KLHL29: variants seen among roughly 807,000 people sequenced by gnomAD.
KLHL29 encodes kelch-like protein 29.
In KLHL29, 21 loss-of-function variants were observed where a neutral mutation model predicts 80.4. That is an observed-to-expected ratio of 0.26 (90% CI 0.19 to 0.38). The LOEUF (loss-of-function observed/expected upper bound fraction) is 0.38, where lower values mean the gene tolerates loss of function less well. Among genes scored for constraint, KLHL29 ranks in the 10% least tolerant of loss-of-function variants. The pLI is 1.00. For synonymous variants in KLHL29, 511 were observed against 526.8 expected (o/e 0.97, Z 0.41); for missense variants, 867 against 1,223.9 (o/e 0.71, Z 4.35).
chr2:23,525,038 A>G (rs560373834), intron 2 of KLHL29, among the ~76,000 whole-genome samples: 1 of 152,340 alleles, frequency 6.6e-6, no homozygotes, highest in Non-Finnish European at 1.5e-5. Context: ...CTTTTAATGA[A>G]TGAGATTTGT....
chr2:23,425,796 G>T (rs1171748100), intron 1 of KLHL29, among the ~76,000 whole-genome samples: 1 of 152,218 alleles, frequency 6.6e-6, no homozygotes, highest in African/African-American at 2.4e-5. Context: ...GCAGCCAGGT[G>T]GAATTTTGTT....
chr2:23,395,472 C>G (rs2103385078), intron 1 of KLHL29, among the ~76,000 whole-genome samples: 1 of 152,280 alleles, frequency 6.6e-6, no homozygotes, highest in South Asian at 2.1e-4. Context: ...GCAGGCCAGG[C>G]ATGGTGGCTC....
chr2:23,703,348 C>T lies in KLHL29; in HGVS notation c.2268C>T (p.Asn756=). Residue 756 remains asparagine, a synonymous_variant, in exon 12 of 14, where the codon AAC becomes AAT. Transcript: ENST00000486442. The part of the protein sequence containing the change: ...GVLQSYVPQT[N]TWSFIESPMI... ...TCCAGTCTTACGTTCCTCAGACCAA[C>T]ACGTGGAGCTTCATCGAGTCCCCAA... 6.5e-7 allele frequency: 1 copy of T among 1,528,498 alleles called. No individual in the cohort carries two copies. Among genetic ancestry groups the T allele is most frequent in the South Asian group, 1.2e-5 (1 of 80,224 alleles). 94.7% of individuals were successfully genotyped at this position (1,528,498 alleles called of 1,614,324 possible). A position where few individuals can be genotyped will look rare whatever the true frequency, so the allele number is the denominator to read the frequency against.
At chr2:23,639,344 C>T (rs1002765882) in intron 4 of KLHL29, 64 bp downstream of exon 4, 1 of 1,490,030 alleles carries the variant, frequency 6.7e-7, no homozygotes, top group South Asian at 1.3e-5. Flanking sequence ...CTAGAGGCTT[C>T]CTGGGGACCC....
intron 1 of KLHL29, among the ~76,000 whole-genome samples, chr2:23,461,226 G>A (rs1468687630): frequency 6.6e-6 from 1 of 152,194 alleles, no homozygotes; most frequent in Non-Finnish European, 1.5e-5. Flanking sequence ...TGAGGCAGAG[G>A]GGTCGGGTAG....
intron 12 of KLHL29, 97 bp from the exon 13 acceptor site, chr2:23,703,622 T>C: frequency 7.2e-7 from 1 of 1,392,488 alleles, no homozygotes; most frequent in Non-Finnish European, 9.5e-7. Flanking sequence ...GTTGGAAGTC[T>C]TTCGAGCTTC....
chr2:23,599,387 A>G (rs1668510902), intron 3 of KLHL29, among the ~76,000 whole-genome samples: 1 of 152,180 alleles, frequency 6.6e-6, no homozygotes, highest in Non-Finnish European at 1.5e-5. Context: ...AAGAAGAAAA[A>G]TTATAGAAGG....
intron 3 of KLHL29, among the ~76,000 whole-genome samples, chr2:23,604,375 G>A (rs149313391): frequency 0.029 from 4,430 of 152,278 alleles, 218 homozygotes; most frequent in African/African-American, 0.1. Context: ...GATTACAGGC[G>A]TGAGCCACTG....
intron 3 of KLHL29, among the ~76,000 whole-genome samples, chr2:23,574,723 G>A (rs1301283181): frequency 6.6e-6 from 1 of 152,166 alleles, no homozygotes; most frequent in African/African-American, 2.4e-5. Flanking sequence ...TACCACAGTG[G>A]AAAAGAAAGA....
At chr2:23,459,121 G>T (rs1022729321) in intron 1 of KLHL29, among the ~76,000 whole-genome samples, 2 of 152,198 alleles carry the variant, frequency 1.3e-5, no homozygotes, top group African/African-American at 4.8e-5. Context: ...ATGGCTCCTA[G>T]GTATCAGGGT....
intron 1 of KLHL29, among the ~76,000 whole-genome samples, chr2:23,441,411 A>G (rs1663517642): frequency 6.6e-6 from 1 of 152,018 alleles, no homozygotes; most frequent in Non-Finnish European, 1.5e-5. Context: ...GCACACCAGC[A>G]TGGCACATGT....
At chr2:23,547,539 T>C (rs562151328) in intron 2 of KLHL29, among the ~76,000 whole-genome samples, 1 of 152,096 alleles carries the variant, frequency 6.6e-6, no homozygotes, top group African/African-American at 2.4e-5. Context: ...CTTGGTACGG[T>C]AGCCAGCACA....
At chr2:23,582,556 C>A (rs1668013446) in intron 3 of KLHL29, among the ~76,000 whole-genome samples, 1 of 152,142 alleles carries the variant, frequency 6.6e-6, no homozygotes, top group Non-Finnish European at 1.5e-5. Context: ...CCAGGAACTT[C>A]ACAAGATGCC....
intron 11 of KLHL29, among the ~76,000 whole-genome samples, chr2:23,701,060 C>T (rs1672335436): frequency 6.6e-6 from 1 of 152,230 alleles, no homozygotes; most frequent in South Asian, 2.1e-4. Context: ...CATCTCCAAT[C>T]TGTTGCCCAC....
intron 1 of KLHL29, among the ~76,000 whole-genome samples, chr2:23,464,279 GCCCGGAGCC>G (rs918840583): frequency 1.8e-4 from 27 of 152,260 alleles, no homozygotes; most frequent in African/African-American, 6.0e-4. Flanking sequence ...GTCTCTGCAA[GCCCGGAGCC>G]CCCGGAGCCC....
intron 1 of KLHL29, among the ~76,000 whole-genome samples, chr2:23,469,178 G>A (rs1207916506): frequency 1.3e-5 from 2 of 152,214 alleles, no homozygotes; most frequent in Non-Finnish European, 2.9e-5. Flanking sequence ...CTTTTAAAGG[G>A]GCAATGCCCC....
intron 2 of KLHL29, among the ~76,000 whole-genome samples, chr2:23,480,609 A>G (rs1664774379): frequency 6.6e-6 from 1 of 152,254 alleles, no homozygotes; most frequent in Non-Finnish European, 1.5e-5. Context: ...CATAGGTGTT[A>G]TTACCAAGTT....
In KLHL29 at chr2:23,646,129, C is replaced by T. The variant is rs141530897; in HGVS notation, c.940+3279C>T. ...AGTGATAAGGGAGGAAAAAAGAATT[C>T]GTTCCATTTGAATCCTGTTATGAAG... On this transcript the variant is annotated intron_variant, in intron 5 of 13. Coordinates refer to ENST00000486442, the MANE Select transcript of KLHL29 (RefSeq NM_052920.2). 3.5e-3 allele frequency among the ~76,000 whole-genome samples: 537 copies of T among 152,208 alleles called. 3 individuals are homozygous for T. Among genetic ancestry groups the T allele is most frequent in the Non-Finnish European group, 6.4e-3 (437 of 68,026 alleles).
At chr2:23,473,151 G>A (rs1347872782) in intron 1 of KLHL29, among the ~76,000 whole-genome samples, 1 of 152,148 alleles carries the variant, frequency 6.6e-6, no homozygotes, top group Non-Finnish European at 1.5e-5. Flanking sequence ...GGGACACCCT[G>A]CTCATGAAGA....
Sources: gnomAD v4.1 joint callset for allele counts (sites outside exome capture counted in the v4.1 genomes callset) on GRCh38, gnomAD v4.1.1 for gene constraint, MANE v1.5 for transcripts, NCBI Gene and HGNC (gene_info 2026-07-23, HGNC 2026-07-21) for gene names.